Variants in CARD8 observed in about 807,000 individuals in gnomAD.
CARD8 encodes caspase recruitment domain family member 8, also known as caspase recruitment domain-containing protein 8.
CARD8 carries 38 observed loss-of-function variants against 53.2 expected under a neutral mutation model. That is an observed-to-expected ratio of 0.71 (90% CI 0.55 to 0.94). CARD8 has a LOEUF of 0.94. Ranked by LOEUF, CARD8 falls within the 40% of genes least tolerant of loss-of-function variation. The pLI is 0.00. For missense variants in CARD8, 561 were observed against 655.5 expected (o/e 0.86, Z 1.57); for synonymous variants, 245 against 244.9 (o/e 1.00, Z 0.00).
At position 48,211,738 on chromosome 19, in the gene CARD8, A is replaced by G; in HGVS notation, c.1586T>C (p.Val529Ala). Residue 529 changes from valine (V) to alanine (A), a missense_variant, in exon 14 of 14, where the codon GTG becomes GCG. Val to Ala is a moderately conservative substitution (Grantham distance 64). Transcript: ENST00000651546. Reference protein sequence around the residue: ...RSISERDPYLVSYLRQQNL With the variant: ...RSISERDPYLASYLRQQNL Reference sequence around the variant, plus strand: ...CAAATTCTGCTGTCTAAGATAGGACACGAGGTAAGGGTCCCTTTCACTAAT... The same window carrying G: ...CAAATTCTGCTGTCTAAGATAGGACGCGAGGTAAGGGTCCCTTTCACTAAT... The G allele has an allele frequency of 6.2e-7, 1 of 1,614,146 alleles. No homozygotes were observed. Among genetic ancestry groups the G allele is most frequent in the Non-Finnish European group, 8.5e-7 (1 of 1,180,012 alleles).
At chr19:48,234,223 G>A in intron 6 of CARD8, 180 bp downstream of exon 6, 1 of 600,874 alleles carries the variant, frequency 1.7e-6, no homozygotes, top group Non-Finnish European at 2.9e-6. Context: ...CTCCATGGAA[G>A]AAAACCTCAT....
At chr19:48,251,851 C>T (rs941946698) in intron 1 of CARD8, among the ~76,000 whole-genome samples, 5 of 152,116 alleles carry the variant, frequency 3.3e-5, no homozygotes, top group Admixed American at 2.6e-4. Context: ...CAGACACCGG[C>T]GGAGAGCCCA....
At chr19:48,227,620 C>T (rs1390518555) in intron 10 of CARD8, among the ~76,000 whole-genome samples, 1 of 151,942 alleles carries the variant, frequency 6.6e-6, no homozygotes, top group Non-Finnish European at 1.5e-5. Flanking sequence ...CTGTCCAACA[C>T]TGTGAAACCC....
chr19:48,231,102 G>A (rs1311316623), intron 8 of CARD8, 96 bp from the exon 9 acceptor site: 2 of 969,522 alleles, frequency 2.1e-6, no homozygotes, highest in African/African-American at 1.6e-5. Flanking sequence ...AGTGAGGCAA[G>A]GTTCAGGACC....
intron 10 of CARD8, among the ~76,000 whole-genome samples, chr19:48,225,434 T>G (rs372491636): frequency 1.3e-5 from 2 of 151,988 alleles, no homozygotes. Flanking sequence ...GAGGTTGCAG[T>G]GAGCTGCGAC....
At chr19:48,214,828 G>A (rs986092296) in intron 13 of CARD8, among the ~76,000 whole-genome samples, 3 of 123,956 alleles carry the variant, frequency 2.4e-5, no homozygotes, top group Admixed American at 2.0e-4. Context: ...TTGCTCTGTC[G>A]CCCAGGCTGG....
At chr19:48,204,930 G>A (rs1485721709), downstream of CARD8, among the ~76,000 whole-genome samples, 6 of 152,148 alleles carry the variant, frequency 3.9e-5, no homozygotes, top group East Asian at 1.9e-4. Flanking sequence ...TTCTAATTTC[G>A]GAAAATGCAT....
intron 10 of CARD8, among the ~76,000 whole-genome samples, chr19:48,227,737 A>G (rs1209602860): frequency 6.6e-6 from 1 of 150,482 alleles, no homozygotes; most frequent in Non-Finnish European, 1.5e-5. Flanking sequence ...CAGGAAGCAG[A>G]GGTTGCAGTG....
intron 13 of CARD8, 77 bp from the exon 14 acceptor site, chr19:48,212,052 A>G (rs1960470139): frequency 2.2e-6 from 3 of 1,391,760 alleles, no homozygotes; most frequent in Admixed American, 4.2e-5. Flanking sequence ...GCTTAGAGTC[A>G]AAATTCAGGG....
intron 11 of CARD8, 80 bp from the exon 12 acceptor site, chr19:48,219,092 C>T: frequency 7.5e-7 from 1 of 1,338,656 alleles, no homozygotes. Flanking sequence ...GCCAATGGAA[C>T]TTAACCCGTT....
Position 48,230,575 on chromosome 19 carries a change from C to G in CARD8, c.898G>C (p.Gly300Arg), listed in dbSNP as rs1423964856. The G allele has an allele frequency of 6.2e-7, 1 of 1,614,052 alleles. No homozygotes were observed. The highest frequency in any genetic ancestry group is 1.3e-5 in the African/African-American group (1 of 75,008). Reference sequence around the variant, plus strand: ...CCACTGGCGATCCGCAGCAGGATGCCCATCAGAGAGAAGCTGGGGCTTTCC... The same window carrying G: ...CCACTGGCGATCCGCAGCAGGATGCGCATCAGAGAGAAGCTGGGGCTTTCC... Reference protein sequence around the residue: ...VLESPSFSLMGILLRIASGTR... With the variant: ...VLESPSFSLMRILLRIASGTR... The change falls in exon 10 of 14, where the codon GGC (glycine) becomes CGC (arginine). Residue 300 changes from glycine to arginine, a missense_variant. Coordinates refer to ENST00000651546, the MANE Select transcript of CARD8 (RefSeq NM_001184900.3).
In CARD8 at chr19:48,214,769, C is replaced by CT. The variant is rs531199248; in HGVS notation, c.1348+570dup. ...CCTTCCTTTCATTCCTGCTATAAAGCTTTTTTTTTTTTTTTTTTTTTTTTT... is the reference window on the plus strand; with the variant it reads ...CCTTCCTTTCATTCCTGCTATAAAGCTTTTTTTTTTTTTTTTTTTTTTTTTT... On this transcript the variant is annotated intron_variant, in intron 13 of 13. Coordinates refer to ENST00000651546, the MANE Select transcript of CARD8 (RefSeq NM_001184900.3). Among the ~76,000 whole-genome samples, 73 of 89,564 alleles carry CT rather than the reference C, an allele frequency of 8.2e-4. 8 individuals carry two copies. The highest frequency in any genetic ancestry group is 2.0e-3 in the African/African-American group (41 of 20,582). 58.8% of individuals were successfully genotyped at this position (89,564 alleles called of 152,430 possible). A position where few individuals can be genotyped will look rare whatever the true frequency, so the allele number is the denominator to read the frequency against.
At chr19:48,232,037 G>T in intron 7 of CARD8, 2 of 615,728 alleles carry the variant, frequency 3.2e-6, no homozygotes, top group Non-Finnish European at 6.0e-6. Flanking sequence ...AAGACTTTCT[G>T]GGAAGCCAGG....
intron 5 of CARD8, among the ~76,000 whole-genome samples, chr19:48,237,484 T>C (rs2044111165): frequency 6.6e-6 from 1 of 151,986 alleles, no homozygotes; most frequent in Non-Finnish European, 1.5e-5. Flanking sequence ...AACATCCAAA[T>C]CATATCGCTA....
intron 5 of CARD8, among the ~76,000 whole-genome samples, chr19:48,235,047 G>A (rs1600486960): frequency 6.6e-6 from 1 of 152,178 alleles, no homozygotes; most frequent in South Asian, 2.1e-4. Context: ...TCTCCCTTCT[G>A]CCTGCAAATG....
intron 3 of CARD8, among the ~76,000 whole-genome samples, chr19:48,243,005 ATAT>A (rs541082854): frequency 3.8e-4 from 58 of 152,262 alleles, no homozygotes; most frequent in Non-Finnish European, 7.2e-4. Flanking sequence ...ATAAAAATAC[ATAT>A]TATTAATAGC....
intron 10 of CARD8, among the ~76,000 whole-genome samples, chr19:48,226,053 C>CAAAAAAA (rs35050640): frequency 2.5e-4 from 20 of 78,462 alleles, no homozygotes; most frequent in African/African-American, 6.5e-4. Context: ...GACTCCGTCT[C>CAAAAAAA]AAAAAAAAAA....
chr19:48,255,497 AATT>A lies in CARD8; in HGVS notation c.-252+292_-252+294del, dbSNP rs552829784. Among the ~76,000 whole-genome samples the A allele has an allele frequency of 2.3e-4, 35 of 152,338 alleles. No individual in the cohort carries two copies. The East Asian group carries it at 4.8e-3, about 21-fold the overall frequency. On this transcript the variant is annotated intron_variant, in intron 1 of 13. Coordinates refer to ENST00000651546, the MANE Select transcript of CARD8 (RefSeq NM_001184900.3). ...TTAACAACATAAACATTGGTATAAA[AATT>A]ATTATTACAGAAATTAAAACAAATT...
chr19:48,214,511 G>A (rs1268680663), intron 13 of CARD8, among the ~76,000 whole-genome samples: 1 of 152,136 alleles, frequency 6.6e-6, no homozygotes, highest in Non-Finnish European at 1.5e-5. Context: ...GGTAAGGGAA[G>A]AATGCCTCAA....
Sources: gnomAD v4.1 joint callset for allele counts (sites outside exome capture counted in the v4.1 genomes callset) on GRCh38, gnomAD v4.1.1 for gene constraint, MANE v1.5 for transcripts, NCBI Gene and HGNC (gene_info 2026-07-23, HGNC 2026-07-21) for gene names.